Variants in XDH observed in about 807,000 individuals in gnomAD.
XDH encodes xanthine dehydrogenase, also known as xanthine dehydrogenase/oxidase.
XDH carries 138 observed loss-of-function variants against 156.1 expected under a neutral mutation model. That is an observed-to-expected ratio of 0.88 (90% CI 0.77 to 1.02). The LOEUF (loss-of-function observed/expected upper bound fraction) is 1.02. XDH is among the 50% of genes least tolerant of loss of function. The pLI, the probability that XDH is intolerant of heterozygous loss-of-function variation, is 0.00. For synonymous variants in XDH, 669 were observed against 625.7 expected (o/e 1.07, Z -1.03); for missense variants, 1,849 against 1,684.9 (o/e 1.10, Z -1.71).
At chr2:31,336,041 G>A (rs749789729) in intron 35 of XDH, 33 bp from the exon 36 acceptor site, 19 of 1,611,880 alleles carry the variant, frequency 1.2e-5, no homozygotes, top group Non-Finnish European at 1.5e-5. Context: ...TCATTGCCAG[G>A]GTCTGCTGAT....
Position 31,377,217 on chromosome 2 carries a change from G to C in XDH, c.1263C>G (p.Phe421Leu). 1 of 1,614,144 alleles carries C rather than the reference G, an allele frequency of 6.2e-7. No homozygotes were observed. Among genetic ancestry groups the C allele is most frequent in the African/African-American group, 1.3e-5 (1 of 75,028 alleles). The change falls in exon 14 of 36, where the codon TTC (phenylalanine) becomes TTG (leucine). Residue 421 changes from phenylalanine to leucine, a missense_variant. Physicochemically the swap from Phe to Leu is conservative, Grantham distance 22. Transcript: ENST00000379416. ...YSREGEYFSAFKQASRREDDI... is the reference protein window; with the variant it reads ...YSREGEYFSALKQASRREDDI... ...CATCTTCTCTCCGGGAGGCCTGCTT[G>C]AATGCTGAGAAATACTCCCCCTAAA... is the stretch of plus-strand genomic sequence containing the variant.
intron 4 of XDH, 88 bp downstream of exon 4, chr2:31,401,132 C>A (rs989494803): frequency 2.0e-6 from 3 of 1,472,060 alleles, no homozygotes; most frequent in African/African-American, 1.4e-5. Context: ...TTCCCAACAA[C>A]CCAAAGCAAG....
chr2:31,337,877 C>G, intron 34 of XDH, 60 bp from the exon 35 acceptor site: 2 of 1,578,440 alleles, frequency 1.3e-6, no homozygotes, highest in South Asian at 1.1e-5. Context: ...TCCACATCAT[C>G]AAGTGGACCT....
intron 2 of XDH, among the ~76,000 whole-genome samples, chr2:31,403,749 T>C (rs1687124921): frequency 6.6e-6 from 1 of 152,176 alleles, no homozygotes; most frequent in South Asian, 2.1e-4. Flanking sequence ...GGCCTCACTC[T>C]TACATATACT....
chr2:31,339,701 G>C (rs1273253473), intron 33 of XDH, 24 bp from the exon 34 acceptor site: 8 of 1,612,746 alleles, frequency 5.0e-6, no homozygotes, highest in Admixed American at 1.7e-5. Context: ...GGAGAGCACA[G>C]TTAGCCTGCC....
intron 24 of XDH, among the ~76,000 whole-genome samples, chr2:31,357,840 C>A (rs1453961894): frequency 6.6e-6 from 1 of 151,978 alleles, no homozygotes; most frequent in East Asian, 1.9e-4. Flanking sequence ...ATATATACAA[C>A]TACTATGTAC....
rs553770726 is a variant in XDH at position 31,378,262 on chromosome 2, A to C, written c.1243-1025T>G. ...GAAACAATCACTGCCCTTGTGCTTT[A>C]AACACATTTTCCTTCCTGGGTTCGA... On this transcript the variant is annotated intron_variant, in intron 13 of 35. Coordinates refer to ENST00000379416, the MANE Select transcript of XDH (RefSeq NM_000379.4). 2.0e-5 allele frequency among the ~76,000 whole-genome samples: 3 copies of C among 152,216 alleles called. No homozygotes were observed. In the South Asian group the frequency reaches 6.2e-4, roughly 32 times the overall value.
chr2:31,349,612 T>A, intron 26 of XDH, 74 bp downstream of exon 26: 1 of 1,505,238 alleles, frequency 6.6e-7, no homozygotes, highest in Non-Finnish European at 8.9e-7. Flanking sequence ...ATTAGCTTCC[T>A]ATATGGGGTC....
intron 21 of XDH, 49 bp downstream of exon 21, chr2:31,366,821 G>A: frequency 6.2e-7 from 1 of 1,612,636 alleles, no homozygotes; most frequent in Non-Finnish European, 8.5e-7. Flanking sequence ...TCTGCTAGGA[G>A]CTCCCCGCTA....
chr2:31,350,534 C>T (rs1041366409), intron 24 of XDH, among the ~76,000 whole-genome samples: 1 of 151,866 alleles, frequency 6.6e-6, no homozygotes, highest in Non-Finnish European at 1.5e-5. Flanking sequence ...GCACCACACG[C>T]CCAGCTAATT....
chr2:31,396,665 AC>A lies in XDH; in HGVS notation c.495+1002del. ...CAAAACCACAGTTACTTTTGCACCA[AC>A]CTAATAGAAACAAGGAGACTTGCCC... On this transcript the variant is annotated intron_variant, in intron 6 of 35. Transcript: ENST00000379416. Among the ~76,000 whole-genome samples the A allele has an allele frequency of 3.3e-5, 5 of 152,336 alleles. No homozygotes were observed. The South Asian group carries it at 1.0e-3, about 32-fold the overall frequency.
rs550784792 is a variant in XDH, at chr2:31,396,249, C to T, written c.495+1419G>A. 3.9e-5 allele frequency among the ~76,000 whole-genome samples: 6 copies of T among 152,182 alleles called. No individual in the cohort carries two copies. The South Asian group carries it at 6.2e-4, about 16-fold the overall frequency. ...AAGTTCTGCATGGTGAAATCAAGAG[C>T]GATTTCAACTTCCAGGAGGGAAGGC... On this transcript the variant is annotated intron_variant, in intron 6 of 35. Coordinates refer to ENST00000379416, the MANE Select transcript of XDH (RefSeq NM_000379.4).
At chr2:31,367,066 T>C in intron 20 of XDH, 72 bp from the exon 21 acceptor site, 1 of 1,611,702 alleles carries the variant, frequency 6.2e-7, no homozygotes, top group Non-Finnish European at 8.5e-7. Context: ...AAGGAGAGAG[T>C]ATACTCTGCC....
At position 31,349,826 on chromosome 2, in the gene XDH, C is replaced by G. The variant is rs749693654; in HGVS notation, c.2829G>C (p.Arg943=). The G allele has an allele frequency of 4.3e-6, 7 of 1,613,856 alleles. No individual in the cohort carries two copies. In the East Asian group the frequency reaches 1.6e-4, roughly 36 times the overall value. ...VTCGMPAEEV[R]RKNLYKEGDL... ...CCCCTTCTTTGTACAGGTTTTTTCT[C>G]CGCACCTTCCCAAGGAGAGAGACAC... Residue 943 remains arginine, a synonymous_variant, in exon 26 of 36, where the codon CGG becomes CGC. Coordinates refer to ENST00000379416, the MANE Select transcript of XDH (RefSeq NM_000379.4).
chr2:31,370,314 A>T (rs974466553), intron 18 of XDH, 41 bp downstream of exon 18: 1 of 1,607,524 alleles, frequency 6.2e-7, no homozygotes, highest in African/African-American at 1.3e-5. Context: ...AAACTTCAAT[A>T]CTTATTCAAT....
intron 26 of XDH, among the ~76,000 whole-genome samples, chr2:31,349,417 T>G (rs528300203): frequency 5.9e-5 from 9 of 152,244 alleles, no homozygotes; most frequent in Non-Finnish European, 1.3e-4. Context: ...AGGCCAGTGT[T>G]CTTTATCATA....
intron 6 of XDH, among the ~76,000 whole-genome samples, chr2:31,390,304 T>G (rs1458105319): frequency 2.6e-5 from 4 of 152,228 alleles, no homozygotes; most frequent in Non-Finnish European, 2.9e-5. Flanking sequence ...TTTCACTTAG[T>G]AGTAGCAATT....
chr2:31,380,035 G>C, intron 12 of XDH, 59 bp from the exon 13 acceptor site: 1 of 1,519,690 alleles, frequency 6.6e-7, no homozygotes, highest in Non-Finnish European at 9.1e-7. Flanking sequence ...AACCCCCCAT[G>C]GGGAGAAAGG....
intron 3 of XDH, 134 bp downstream of exon 3, chr2:31,402,914 G>T: frequency 4.3e-6 from 4 of 930,022 alleles, no homozygotes; most frequent in Non-Finnish European, 6.8e-6. Context: ...GTTTTCCTGT[G>T]CACAGATTCT....
Sources: allele counts gnomAD v4.1 joint callset (sites outside exome capture counted in the v4.1 genomes callset), GRCh38; gene constraint gnomAD v4.1.1; transcripts MANE v1.5; gene names NCBI Gene and HGNC (gene_info 2026-07-23, HGNC 2026-07-21).